Variants in NSUN6 observed in about 807,000 individuals in gnomAD.
NSUN6 encodes tRNA (cytosine(72)-C(5))-methyltransferase NSUN6.
A neutral mutation model predicts 58.0 loss-of-function variants in NSUN6; 64 were observed. The observed-to-expected ratio is 1.10, with a 90% CI of 0.90 to 1.36. NSUN6 has a LOEUF of 1.36. Among genes scored for constraint, NSUN6 ranks in the 40% most tolerant of loss-of-function variants. NSUN6 has a pLI of 0.00. For missense variants in NSUN6, 701 were observed against 550.1 expected (o/e 1.27, Z -2.74); for synonymous variants, 231 against 193.9 (o/e 1.19, Z -1.59).
rs373396908 is a variant in NSUN6 at position 18,549,255 on chromosome 10, C to T, written c.1072-1018G>A. Among the ~76,000 whole-genome samples, 29 of 152,256 alleles carry T rather than the reference C, an allele frequency of 1.9e-4. No individual in the cohort carries two copies. In the East Asian group the frequency reaches 3.5e-3, roughly 18 times the overall value. ...GTTGCCTCTCTGACCTCCTCCTGTACACCTCTTACTCTGGCCCATTTGACT... is the reference window on the plus strand; with the variant it reads ...GTTGCCTCTCTGACCTCCTCCTGTATACCTCTTACTCTGGCCCATTTGACT... On this transcript the variant is annotated intron_variant, in intron 9 of 10. Transcript: ENST00000377304.
At chr10:18,555,618 T>C (rs573043727) in intron 8 of NSUN6, among the ~76,000 whole-genome samples, 1 of 144,838 alleles carries the variant, frequency 6.9e-6, no homozygotes, top group African/African-American at 2.6e-5. Flanking sequence ...GAATAGAGAA[T>C]GGAATGGAAT....
chr10:18,647,558 C>G (rs1227742188), intron 2 of NSUN6, among the ~76,000 whole-genome samples: 24 of 152,164 alleles, frequency 1.6e-4, no homozygotes, highest in East Asian at 7.7e-4. Context: ...GCTTAGAAGT[C>G]ATAAATGCCA....
chr10:18,589,387 G>C (rs1464476911), intron 7 of NSUN6, among the ~76,000 whole-genome samples: 1 of 152,044 alleles, frequency 6.6e-6, no homozygotes, highest in Non-Finnish European at 1.5e-5. Context: ...TAGCAAGACA[G>C]GCCCAAGTTC....
At chr10:18,640,019 T>A (rs1185501040) in intron 3 of NSUN6, among the ~76,000 whole-genome samples, 1 of 152,160 alleles carries the variant, frequency 6.6e-6, no homozygotes, top group Admixed American at 6.5e-5. Flanking sequence ...AAAAACTAAA[T>A]GTCTATCAAT....
chr10:18,625,751 TAAAG>T (rs1207970818), intron 3 of NSUN6, among the ~76,000 whole-genome samples: 18 of 80,818 alleles, frequency 2.2e-4, no homozygotes, highest in African/African-American at 7.3e-4. Flanking sequence ...AAAAAAAAGA[TAAAG>T]AACTAAGAGG....
At chr10:18,586,636 C>G (rs2057158051) in intron 7 of NSUN6, among the ~76,000 whole-genome samples, 1 of 152,104 alleles carries the variant, frequency 6.6e-6, no homozygotes, top group Non-Finnish European at 1.5e-5. Flanking sequence ...TCGCTGACTT[C>G]AGGAGTGAAG....
chr10:18,659,073 G>C (rs2059809768), upstream of NSUN6: 1 of 152,958 alleles, frequency 6.5e-6, no homozygotes, highest in African/African-American at 2.4e-5. Context: ...TGGTTTTAGA[G>C]GTCAGGGAAG....
intron 8 of NSUN6, among the ~76,000 whole-genome samples, chr10:18,552,596 T>C (rs925496979): frequency 6.6e-6 from 1 of 152,054 alleles, no homozygotes; most frequent in Non-Finnish European, 1.5e-5. Flanking sequence ...GTCTACCTGC[T>C]ACCAAGATTT....
rs148479658 is a variant in NSUN6 at position 18,646,501 on chromosome 10, G to C, written c.231+1989C>G. Among the ~76,000 whole-genome samples, 1,443 of 151,890 alleles carry C rather than the reference G, an allele frequency of 9.5e-3. 21 individuals carry two copies. Among genetic ancestry groups the C allele is most frequent in the African/African-American group, 0.033 (1,349 of 41,402 alleles). On this transcript the variant is annotated intron_variant, in intron 2 of 10. Transcript: ENST00000377304. Reference sequence around the variant, plus strand: ...TAGCCCATGGGATCTTGTATATCCAGACTAGGATGCTAAAATATCCAGGTT... The same window carrying C: ...TAGCCCATGGGATCTTGTATATCCACACTAGGATGCTAAAATATCCAGGTT...
At chr10:18,646,829 T>TCAAAA (rs2059560912) in intron 2 of NSUN6, among the ~76,000 whole-genome samples, 2 of 152,106 alleles carry the variant, frequency 1.3e-5, no homozygotes, top group Admixed American at 1.3e-4. Flanking sequence ...AGACTCCCTC[T>TCAAAA]CAAAACAAAA....
At chr10:18,620,808 T>C (rs989273678) in intron 3 of NSUN6, among the ~76,000 whole-genome samples, 1 of 152,250 alleles carries the variant, frequency 6.6e-6, no homozygotes, top group Non-Finnish European at 1.5e-5. Flanking sequence ...CTTTAGACTA[T>C]AGAACTATGT....
chr10:18,553,903 A>G (rs905872236), intron 8 of NSUN6, among the ~76,000 whole-genome samples: 6 of 150,294 alleles, frequency 4.0e-5, no homozygotes, highest in Non-Finnish European at 8.9e-5. Context: ...TGAGATGGAG[A>G]ATGGAATGGA....
At chr10:18,626,766 C>T (rs1238408760) in intron 3 of NSUN6, among the ~76,000 whole-genome samples, 5 of 145,670 alleles carry the variant, frequency 3.4e-5, no homozygotes, top group African/African-American at 7.7e-5. Context: ...AGACTCCGTC[C>T]TGGGTGGGGG....
At chr10:18,634,100 T>C (rs2131506341) in intron 3 of NSUN6, among the ~76,000 whole-genome samples, 1 of 152,346 alleles carries the variant, frequency 6.6e-6, no homozygotes, top group East Asian at 1.9e-4. Flanking sequence ...AATAATTCAT[T>C]CTGCATTCAT....
intron 3 of NSUN6, among the ~76,000 whole-genome samples, chr10:18,640,141 T>G (rs1053198305): frequency 6.6e-6 from 1 of 152,248 alleles, no homozygotes; most frequent in Non-Finnish European, 1.5e-5. Context: ...TTATACATTT[T>G]TAAGTGAACA....
At chr10:18,632,181 C>A (rs1295416724) in intron 3 of NSUN6, among the ~76,000 whole-genome samples, 1 of 152,068 alleles carries the variant, frequency 6.6e-6, no homozygotes, top group Non-Finnish European at 1.5e-5. Context: ...ATAAATGGTG[C>A]TGGCAAAACT....
chr10:18,655,396 T>G (rs561086607), upstream of NSUN6, among the ~76,000 whole-genome samples: 1 of 152,302 alleles, frequency 6.6e-6, no homozygotes, highest in East Asian at 1.9e-4. Flanking sequence ...GCTTCACAAT[T>G]TTACTATAAA....
intron 3 of NSUN6, among the ~76,000 whole-genome samples, chr10:18,627,227 C>G (rs754635974): frequency 3.3e-5 from 5 of 152,116 alleles, no homozygotes; most frequent in East Asian, 3.9e-4. Flanking sequence ...TTCAAGTAAA[C>G]TGAAGAAACC....
intron 6 of NSUN6, among the ~76,000 whole-genome samples, chr10:18,599,005 G>A (rs1175885487): frequency 6.6e-6 from 1 of 152,158 alleles, no homozygotes; most frequent in Non-Finnish European, 1.5e-5. Flanking sequence ...AACAGCCCAT[G>A]TGACGAGGCT....
Sources: gnomAD v4.1 joint callset for allele counts (sites outside exome capture counted in the v4.1 genomes callset) on GRCh38, gnomAD v4.1.1 for gene constraint, MANE v1.5 for transcripts, NCBI Gene and HGNC (gene_info 2026-07-23, HGNC 2026-07-21) for gene names.